DIP2C: variants seen among roughly 807,000 people sequenced by gnomAD.
The protein encoded by DIP2C is disco-interacting protein 2 homolog C.
DIP2C carries 33 observed loss-of-function variants against 192.4 expected under a neutral mutation model. The observed-to-expected ratio is 0.17, with a 90% CI of 0.13 to 0.23. The LOEUF (loss-of-function observed/expected upper bound fraction) is 0.23. Ranked by LOEUF, DIP2C falls within the 10% of genes least tolerant of loss-of-function variation. The pLI, the probability that DIP2C is intolerant of heterozygous loss-of-function variation, is 1.00. For missense variants in DIP2C, 1,537 were observed against 2,110.1 expected (o/e 0.73, Z 5.32); for synonymous variants, 979 against 864.1 (o/e 1.13, Z -2.33).
In DIP2C at chr10:689,095, C is replaced by G. The variant is rs1169324046; in HGVS notation, c.85+399G>C. Among the ~76,000 whole-genome samples, 1 of 151,848 alleles carries G rather than the reference C, an allele frequency of 6.6e-6. No homozygotes were observed. Among genetic ancestry groups the G allele is most frequent in the African/African-American group, 2.4e-5 (1 of 41,326 alleles). The stretch of plus-strand genomic sequence containing the variant: ...GAGCGCACGGGAAGGCCGATCCCGC[C>G]GGGCCCGCTGCATCCTGCGTCCCCG... On this transcript the variant is annotated intron_variant, in intron 1 of 36. Coordinates refer to ENST00000280886, the MANE Select transcript of DIP2C (RefSeq NM_014974.3). This position sits in a 1 kb window ranked among gnomAD's most constrained non-coding sequence, Gnocchi z 6.1.
intron 2 of DIP2C, among the ~76,000 whole-genome samples, chr10:474,861 T>C (rs1970937791): frequency 6.6e-6 from 1 of 152,110 alleles, no homozygotes. Context: ...TCCTTTCTCT[T>C]CTCCTTCAAT....
intron 1 of DIP2C, among the ~76,000 whole-genome samples, chr10:500,213 T>TG (rs1845128625): frequency 6.6e-6 from 1 of 152,256 alleles, no homozygotes; most frequent in Admixed American, 6.5e-5. Context: ...CATCAGCGTC[T>TG]GGGGCAAAGG....
At chr10:383,976 AAAAG>A (rs761419995) in intron 16 of DIP2C, 47 bp downstream of exon 16, 1 of 1,425,758 alleles carries the variant, frequency 7.0e-7, no homozygotes, top group South Asian at 1.6e-5. Context: ...AAAAAAAAAA[AAAAG>A]ACTCCACAGC....
chr10:620,118 G>A (rs1331939031), intron 1 of DIP2C, among the ~76,000 whole-genome samples: 3 of 152,162 alleles, frequency 2.0e-5, no homozygotes, highest in Non-Finnish European at 2.9e-5. Flanking sequence ...TGTATTTACG[G>A]AGGACGCCAC....
At chr10:413,231 G>C (rs563639814) in intron 8 of DIP2C, among the ~76,000 whole-genome samples, 1 of 152,116 alleles carries the variant, frequency 6.6e-6, no homozygotes, top group Non-Finnish European at 1.5e-5. Flanking sequence ...AAAGAGAAAC[G>C]CACTTCTCTG....
chr10:642,125 C>T (rs962237848), intron 1 of DIP2C, among the ~76,000 whole-genome samples: 1 of 152,212 alleles, frequency 6.6e-6, no homozygotes, highest in Non-Finnish European at 1.5e-5. Flanking sequence ...AAATTATTTT[C>T]CTTCCTACAC....
At chr10:368,946 G>A (rs1960631570) in intron 18 of DIP2C, among the ~76,000 whole-genome samples, 1 of 152,260 alleles carries the variant, frequency 6.6e-6, no homozygotes, top group Admixed American at 6.5e-5. Flanking sequence ...AGGTGCCTGG[G>A]CGCTCCTCGT....
At chr10:542,531 C>T (rs1848056719) in intron 1 of DIP2C, among the ~76,000 whole-genome samples, 1 of 152,230 alleles carries the variant, frequency 6.6e-6, no homozygotes, top group Non-Finnish European at 1.5e-5. Context: ...AGCCCAGGCT[C>T]CAGAAATGCA....
chr10:510,005 C>T (rs531161763), intron 1 of DIP2C, among the ~76,000 whole-genome samples: 13 of 152,242 alleles, frequency 8.5e-5, no homozygotes, highest in Admixed American at 2.6e-4. Flanking sequence ...TCAGGAACCA[C>T]GGGGTGCAGC....
intron 6 of DIP2C, among the ~76,000 whole-genome samples, chr10:416,907 C>T (rs1425023455): frequency 6.6e-6 from 1 of 152,138 alleles, no homozygotes; most frequent in Non-Finnish European, 1.5e-5. Context: ...CTTGTTCGCC[C>T]CCGCACTGGA....
At chr10:291,324 A>C (rs561755322) in intron 32 of DIP2C, among the ~76,000 whole-genome samples, 41 of 152,352 alleles carry the variant, frequency 2.7e-4, no homozygotes, top group Admixed American at 1.5e-3. Context: ...TTCATGTGAA[A>C]AAGGTGTGTT....
At chr10:568,534 G>A (rs575949670) in intron 1 of DIP2C, among the ~76,000 whole-genome samples, 115 of 152,112 alleles carry the variant, frequency 7.6e-4, no homozygotes, top group African/African-American at 2.7e-3. Flanking sequence ...TTGGGAGGCC[G>A]AGACGGGCGG....
At position 439,247 on chromosome 10, in the gene DIP2C, G is replaced by A. The variant is rs991891943; in HGVS notation, c.394+1624C>T. On this transcript the variant is annotated intron_variant, in intron 4 of 36. Transcript: ENST00000280886. ...CCCTTGCCAACAACCTTGCTAGCAC[G>A]GCGTTCACTCCCTTGCCCGCTAGCA... Among the ~76,000 whole-genome samples, 44 of 151,302 alleles carry A rather than the reference G, an allele frequency of 2.9e-4. 1 individual carries two copies. The highest frequency in any genetic ancestry group is 1.2e-3 in the South Asian group (6 of 4,812).
intron 9 of DIP2C, among the ~76,000 whole-genome samples, chr10:405,611 T>G (rs745941313): frequency 6.6e-6 from 1 of 152,208 alleles, no homozygotes; most frequent in Admixed American, 6.5e-5. Flanking sequence ...GCTACCTCCA[T>G]AGTGATCCCA....
rs1855954658 is a variant in DIP2C at position 652,095 on chromosome 10, G to A, written c.85+37399C>T. Reference sequence around the variant, plus strand: ...AAGCTCAAGCTTGTGTGGTACAAGAGTCAACTGTATGCAATTGACACTGAT... The same window carrying A: ...AAGCTCAAGCTTGTGTGGTACAAGAATCAACTGTATGCAATTGACACTGAT... On this transcript the variant is annotated intron_variant, in intron 1 of 36. Transcript: ENST00000280886. The surrounding 1 kb of genome is among the most constrained non-coding windows in gnomAD (Gnocchi z 4.5). 3 of 160,796 alleles carry A rather than the reference G, an allele frequency of 1.9e-5. No individual in the cohort carries two copies. The Admixed American group carries it at 1.9e-4, about 10-fold the overall frequency. 10.0% of individuals were successfully genotyped at this position (160,796 alleles called of 1,614,324 possible).
intron 1 of DIP2C, among the ~76,000 whole-genome samples, chr10:511,002 T>C (rs957186639): frequency 1.3e-5 from 2 of 152,228 alleles, no homozygotes; most frequent in African/African-American, 4.8e-5. Flanking sequence ...GCAAAGTCTA[T>C]TAGCCTTCGA....
intron 8 of DIP2C, among the ~76,000 whole-genome samples, chr10:409,622 G>A (rs575407344): frequency 3.3e-5 from 5 of 152,330 alleles, no homozygotes; most frequent in African/African-American, 4.8e-5. Flanking sequence ...CCACCGCAAC[G>A]GTGTCACTGC....
At chr10:669,978 T>C (rs755117213) in intron 1 of DIP2C, among the ~76,000 whole-genome samples, 4 of 152,220 alleles carry the variant, frequency 2.6e-5, no homozygotes, top group Non-Finnish European at 5.9e-5. Flanking sequence ...TCTTTATTAA[T>C]GATGAGCTAC....
intron 3 of DIP2C, among the ~76,000 whole-genome samples, chr10:455,329 C>CCATGAGGA (rs1969205227): frequency 2.1e-5 from 3 of 140,826 alleles, no homozygotes; most frequent in Non-Finnish European, 4.8e-5. Context: ...GAGGGGAGAC[C>CCATGAGGA]GTGAGGAATA....
Sources: allele counts gnomAD v4.1 joint callset (sites outside exome capture counted in the v4.1 genomes callset), GRCh38; gene constraint gnomAD v4.1.1; non-coding constraint Gnocchi (gnomAD v3.1); transcripts MANE v1.5; gene names NCBI Gene and HGNC (gene_info 2026-07-23, HGNC 2026-07-21).